Variants in PDE4D observed in about 807,000 individuals in gnomAD.
PDE4D encodes phosphodiesterase 4D.
A neutral mutation model predicts 87.4 loss-of-function variants in PDE4D; 24 were observed. That is an observed-to-expected ratio of 0.27 (90% CI 0.20 to 0.39). PDE4D has a LOEUF of 0.39. PDE4D is among the 10% of genes least tolerant of loss of function. The probability of loss-of-function intolerance (pLI) is 1.00; values close to 1 mark genes in which losing one functional copy is unlikely to be tolerated. For missense variants in PDE4D, 714 were observed against 1,041.0 expected (o/e 0.69, Z 4.32); for synonymous variants, 384 against 383.2 (o/e 1.00, Z -0.02).
At chr5:59,376,203 GAA>G (rs1161399307) in intron 1 of PDE4D, among the ~76,000 whole-genome samples, 1 of 152,148 alleles carries the variant, frequency 6.6e-6, no homozygotes, top group Non-Finnish European at 1.5e-5. Context: ...ATAAGAGAAA[GAA>G]ATAAAGCACA....
intron 1 of PDE4D, among the ~76,000 whole-genome samples, chr5:60,329,821 C>A (rs945345260): frequency 6.6e-6 from 1 of 151,950 alleles, no homozygotes; most frequent in Non-Finnish European, 1.5e-5. Flanking sequence ...TCAATGCAAT[C>A]TAAACTTGAA....
chr5:58,995,320 T>C (rs1344953798), intron 6 of PDE4D, among the ~76,000 whole-genome samples: 1 of 152,212 alleles, frequency 6.6e-6, no homozygotes, highest in East Asian at 1.9e-4. Context: ...TTTTCTACCC[T>C]TGTATGTGAA....
chr5:59,659,951 G>A (rs915208390), intron 1 of PDE4D, among the ~76,000 whole-genome samples: 3 of 152,134 alleles, frequency 2.0e-5, no homozygotes, highest in Non-Finnish European at 2.9e-5. Context: ...TGGGGAGGCC[G>A]AGATGGGTGG....
chr5:59,477,415 T>C (rs979715275), intron 1 of PDE4D, among the ~76,000 whole-genome samples: 2 of 147,402 alleles, frequency 1.4e-5, no homozygotes, highest in Non-Finnish European at 3.0e-5. Flanking sequence ...ATATACCTAA[T>C]AAATCAATGA....
At chr5:59,750,945 CAAAA>C (rs34787047) in intron 1 of PDE4D, among the ~76,000 whole-genome samples, 12 of 68,760 alleles carry the variant, frequency 1.7e-4, no homozygotes, top group Non-Finnish European at 3.4e-4. Flanking sequence ...GACCCTGTCT[CAAAA>C]AAAAAAAAAA....
At chr5:59,255,303 C>T (rs1420014568) in intron 1 of PDE4D, among the ~76,000 whole-genome samples, 2 of 151,984 alleles carry the variant, frequency 1.3e-5, no homozygotes, top group Non-Finnish European at 2.9e-5. Flanking sequence ...AGAAGCAAGT[C>T]ACAAAAGACC....
intron 2 of PDE4D, among the ~76,000 whole-genome samples, chr5:60,099,660 TAAGAA>T (rs1205458604): frequency 6.6e-6 from 1 of 151,850 alleles, no homozygotes; most frequent in Non-Finnish European, 1.5e-5. Flanking sequence ...GGTTCATCTA[TAAGAA>T]TAGATTGAAA....
chr5:59,603,146 A>G (rs1827750221), intron 1 of PDE4D, among the ~76,000 whole-genome samples: 1 of 152,048 alleles, frequency 6.6e-6, no homozygotes, highest in Admixed American at 6.6e-5. Context: ...AAAAGCCAAA[A>G]TAGACAAGAT....
intron 1 of PDE4D, among the ~76,000 whole-genome samples, chr5:59,843,847 C>A (rs1203399623): frequency 2.6e-5 from 4 of 152,080 alleles, no homozygotes; most frequent in Non-Finnish European, 5.9e-5. Context: ...TTGCATGCTA[C>A]TTGCAATTGA....
intron 1 of PDE4D, among the ~76,000 whole-genome samples, chr5:59,710,982 C>A (rs980455518): frequency 4.5e-4 from 69 of 152,180 alleles, no homozygotes; most frequent in African/African-American, 1.7e-3. Context: ...AATGAATGTG[C>A]CCTTGTTCAC....
At chr5:59,696,305 C>T (rs1751770029) in intron 1 of PDE4D, among the ~76,000 whole-genome samples, 1 of 152,168 alleles carries the variant, frequency 6.6e-6, no homozygotes, top group South Asian at 2.1e-4. Flanking sequence ...CTACTTCATT[C>T]ATAATTTCAT....
At chr5:59,292,053 A>G (rs1768144993) in intron 1 of PDE4D, among the ~76,000 whole-genome samples, 1 of 152,084 alleles carries the variant, frequency 6.6e-6, no homozygotes. Flanking sequence ...AAATAAGCAA[A>G]AAGAGATCAT....
At chr5:60,173,678 A>G (rs1010007493) in intron 2 of PDE4D, among the ~76,000 whole-genome samples, 1 of 152,126 alleles carries the variant, frequency 6.6e-6, no homozygotes, top group Non-Finnish European at 1.5e-5. Flanking sequence ...TTAGTACACT[A>G]TTAATAGGAA....
At chr5:59,771,471 A>T (rs5002479) in intron 1 of PDE4D, among the ~76,000 whole-genome samples, 1 of 80,210 alleles carries the variant, frequency 1.2e-5, no homozygotes, top group Non-Finnish European at 2.5e-5. Flanking sequence ...GAAAGAAAGA[A>T]AGAAAGAAAG....
In PDE4D at chr5:59,011,208, C is replaced by A. The variant is rs191956889; in HGVS notation, c.922-17743G>T. 2.0e-3 allele frequency among the ~76,000 whole-genome samples: 305 copies of A among 152,230 alleles called. 2 individuals are homozygous for A. The highest frequency in any genetic ancestry group is 6.9e-3 in the African/African-American group (288 of 41,538). ...ATGGGGAGAAACCAGAGCAGAAAAGCTGAAAGTTCTAAAAATCAGAGCTCC... is the reference window on the plus strand; with the variant it reads ...ATGGGGAGAAACCAGAGCAGAAAAGATGAAAGTTCTAAAAATCAGAGCTCC... On this transcript the variant is annotated intron_variant, in intron 6 of 14. Transcript: ENST00000340635.
chr5:60,517,971 C>T (rs1270493106), intron 1 of PDE4D, among the ~76,000 whole-genome samples: 1 of 152,220 alleles, frequency 6.6e-6, no homozygotes, highest in Non-Finnish European at 1.5e-5. Flanking sequence ...CTGGGAGCTC[C>T]CCAAGCCAGG....
chr5:59,414,137 G>A (rs1011512638), intron 1 of PDE4D, among the ~76,000 whole-genome samples: 7 of 152,192 alleles, frequency 4.6e-5, no homozygotes, highest in South Asian at 2.1e-4. Context: ...CAGAGTTCAC[G>A]TGCTCCATCT....
chr5:60,251,845 C>G (rs1257776698), intron 1 of PDE4D, among the ~76,000 whole-genome samples: 2 of 151,862 alleles, frequency 1.3e-5, no homozygotes, highest in Non-Finnish European at 2.9e-5. Context: ...TGTTCTGGGC[C>G]TTTATATTCA....
chr5:59,586,759 G>A, intron 1 of PDE4D: 1 of 985,430 alleles, frequency 1.0e-6, no homozygotes, highest in Non-Finnish European at 1.2e-6. Context: ...CTGGAATGTG[G>A]GAAGAAAGGA....
Sources: allele counts gnomAD v4.1 joint callset (sites outside exome capture counted in the v4.1 genomes callset), GRCh38; gene constraint gnomAD v4.1.1; transcripts MANE v1.5; gene names NCBI Gene and HGNC (gene_info 2026-07-23, HGNC 2026-07-21).